Variants in ABAT observed in about 807,000 individuals in gnomAD.
ABAT encodes 4-aminobutyrate aminotransferase.
ABAT carries 45 observed loss-of-function variants against 64.6 expected under a neutral mutation model. That is an observed-to-expected ratio of 0.70 (90% CI 0.55 to 0.89). The LOEUF (loss-of-function observed/expected upper bound fraction) is 0.89. Among genes scored for constraint, ABAT ranks in the 40% least tolerant of loss-of-function variants. ABAT has a pLI of 0.00. For synonymous variants in ABAT, 297 were observed against 250.5 expected, an observed-to-expected ratio of 1.19 and a Z score of -1.75; for missense variants, 633 against 658.4, an observed-to-expected ratio of 0.96 and a Z score of 0.42.
chr16:8,772,334 A>G (rs2060136076), intron 11 of ABAT, among the ~76,000 whole-genome samples: 1 of 146,914 alleles, frequency 6.8e-6, no homozygotes, highest in Non-Finnish European at 1.5e-5. Context: ...CTCTCAATAT[A>G]CCCGTGATGT....
chr16:8,688,413 G>C (rs1322897843), intron 1 of ABAT, among the ~76,000 whole-genome samples: 1 of 152,158 alleles, frequency 6.6e-6, no homozygotes, highest in African/African-American at 2.4e-5. Flanking sequence ...ACCTCCCAGG[G>C]CCAGGGACTT....
At chr16:8,735,990 T>G in intron 2 of ABAT, 181 bp downstream of exon 2, 1 of 609,354 alleles carries the variant, frequency 1.6e-6, no homozygotes, top group Non-Finnish European at 2.9e-6. Flanking sequence ...GACTGGGTAT[T>G]TTATGAAGAA....
intron 6 of ABAT, among the ~76,000 whole-genome samples, chr16:8,761,606 G>C (rs2059799688): frequency 6.6e-6 from 1 of 152,216 alleles, no homozygotes. Context: ...TTTGAGGCCT[G>C]ATGAAAAGAG....
At chr16:8,712,125 G>T (rs1427790406) in intron 1 of ABAT, among the ~76,000 whole-genome samples, 1 of 151,976 alleles carries the variant, frequency 6.6e-6, no homozygotes, top group East Asian at 1.9e-4. Context: ...CAGCTACTTG[G>T]GAGGCTGAGG....
At chr16:8,710,727 A>AGAGGGAGGGAGAGGGAGG (rs1555485684) in intron 1 of ABAT, among the ~76,000 whole-genome samples, 9 of 103,754 alleles carry the variant, frequency 8.7e-5, no homozygotes, top group African/African-American at 2.2e-4. Context: ...AGAGAGAGAG[A>AGAGGGAGGGAGAGGGAGG]GAGGAAATAG....
chr16:8,753,631 A>C (rs904085721), intron 5 of ABAT, among the ~76,000 whole-genome samples: 1 of 152,262 alleles, frequency 6.6e-6, no homozygotes, highest in Non-Finnish European at 1.5e-5. Context: ...ACACACAGGC[A>C]GTGGTGATAA....
intron 1 of ABAT, among the ~76,000 whole-genome samples, chr16:8,734,816 C>T (rs1401117556): frequency 1.3e-5 from 2 of 152,014 alleles, no homozygotes; most frequent in Non-Finnish European, 1.5e-5. Flanking sequence ...ACACAAAACA[C>T]ATTTAAATGG....
chr16:8,694,266 G>A (rs1026785075), intron 1 of ABAT, among the ~76,000 whole-genome samples: 2 of 148,990 alleles, frequency 1.3e-5, no homozygotes, highest in East Asian at 2.0e-4. Context: ...CTTCTGACCC[G>A]CCCGCCTCGG....
chr16:8,746,103 G>A lies in ABAT; in HGVS notation c.168+5G>A, dbSNP rs539641450. On this transcript the variant is annotated splice_donor_5th_base_variant and intron_variant, in intron 3 of 15. Coordinates refer to ENST00000268251, the MANE Select transcript of ABAT (RefSeq NM_020686.6). ...GTCCCAGGGCCTAGATCTCAGGTGA[G>A]TTGAGCACACCTGAGTGGGGTATTT... 6.2e-7 allele frequency: 1 copy of A among 1,609,956 alleles called. No homozygotes were observed. The highest frequency in any genetic ancestry group is 1.1e-5 in the South Asian group (1 of 90,992).
chr16:8,690,671 T>C (rs570306214), intron 1 of ABAT, among the ~76,000 whole-genome samples: 1 of 152,318 alleles, frequency 6.6e-6, no homozygotes, highest in East Asian at 1.9e-4. Context: ...CCTTTTAAAT[T>C]TGGCAGCCAA....
At position 8,779,580 on chromosome 16, in the gene ABAT, C is replaced by G. The variant is rs1477272559; in HGVS notation, c.1371C>G (p.Ala457=). The G allele has an allele frequency of 6.2e-7, 1 of 1,613,920 alleles. No individual in the cohort carries two copies. Among genetic ancestry groups the G allele is most frequent in the Non-Finnish European group, 8.5e-7 (1 of 1,179,940 alleles). Residue 457 remains alanine, a synonymous_variant, in exon 15 of 16, where the codon GCC becomes GCG. Coordinates refer to ENST00000268251, the MANE Select transcript of ABAT (RefSeq NM_020686.6). ...TACGGAATAAGCTCATTTTAATTGCCAGAAACAAAGGTAAGGGGTCAGGAG... is the reference window on the plus strand; with the variant it reads ...TACGGAATAAGCTCATTTTAATTGCGAGAAACAAAGGTAAGGGGTCAGGAG... ...DSIRNKLILI[A]RNKGVVLGGC...
intron 2 of ABAT, among the ~76,000 whole-genome samples, chr16:8,745,069 A>G (rs1032726078): frequency 6.6e-6 from 1 of 151,910 alleles, no homozygotes; most frequent in Non-Finnish European, 1.5e-5. Context: ...TGCAGCCTCA[A>G]CCTCTCAGGC....
chr16:8,751,904 A>G (rs987376531), intron 5 of ABAT, among the ~76,000 whole-genome samples: 1 of 152,178 alleles, frequency 6.6e-6, no homozygotes, highest in Admixed American at 6.5e-5. Context: ...GGTAGCTGCT[A>G]TTTGCAGCTT....
intron 1 of ABAT, among the ~76,000 whole-genome samples, chr16:8,683,021 C>A: frequency 6.6e-6 from 1 of 152,198 alleles, no homozygotes; most frequent in Non-Finnish European, 1.5e-5. Context: ...GCATCTGTTA[C>A]CATGTAATTG....
At chr16:8,700,911 C>CTTTTTTTTTT (rs1174749864) in intron 1 of ABAT, among the ~76,000 whole-genome samples, 1 of 131,564 alleles carries the variant, frequency 7.6e-6, no homozygotes, top group African/African-American at 2.8e-5. Flanking sequence ...GGCCTTAATT[C>CTTTTTTTTTT]TTTTTTTTTT....
At chr16:8,780,696 G>A (rs2060407670) in intron 15 of ABAT, 1 of 166,856 alleles carries the variant, frequency 6.0e-6, no homozygotes, top group Admixed American at 5.6e-5. Flanking sequence ...GGGAGGTGGA[G>A]GTTGCAGTGA....
intron 1 of ABAT, 48 bp from the exon 2 acceptor site, chr16:8,735,651 G>A: frequency 2.1e-6 from 3 of 1,454,666 alleles, no homozygotes; most frequent in South Asian, 2.4e-5. Flanking sequence ...TTGGCTGAGA[G>A]GGGAGTGGTC....
At chr16:8,773,499 C>T (rs973908222) in intron 12 of ABAT, among the ~76,000 whole-genome samples, 15 of 152,104 alleles carry the variant, frequency 9.9e-5, no homozygotes, top group African/African-American at 2.7e-4. Context: ...AGTTGCAGTG[C>T]GTAATGATCA....
intron 5 of ABAT, among the ~76,000 whole-genome samples, chr16:8,752,764 T>A (rs1469664474): frequency 6.6e-6 from 1 of 152,158 alleles, no homozygotes; most frequent in Non-Finnish European, 1.5e-5. Context: ...CAAGACCCTG[T>A]CTCAGTAAAA....
Sources: allele counts gnomAD v4.1 joint callset (sites outside exome capture counted in the v4.1 genomes callset), GRCh38; gene constraint gnomAD v4.1.1; transcripts MANE v1.5; gene names NCBI Gene and HGNC (gene_info 2026-07-23, HGNC 2026-07-21).